The following UBE2R2 variants were observed in gnomAD, a reference collection of about 807,000 sequenced individuals.
UBE2R2 encodes the protein ubiquitin-conjugating enzyme E2 R2.
In UBE2R2, 1 loss-of-function variant was observed where a neutral mutation model predicts 27.8. The observed-to-expected ratio is 0.04, with a 90% CI of 0.01 to 0.17. The LOEUF is 0.17. Ranked by LOEUF, UBE2R2 falls within the 10% of genes least tolerant of loss-of-function variation. The pLI is 1.00. For missense variants in UBE2R2, 100 were observed against 291.0 expected, an observed-to-expected ratio of 0.34 and a Z score of 4.78; for synonymous variants, 106 against 113.3, an observed-to-expected ratio of 0.94 and a Z score of 0.41.
chr9:33,907,557 G>A (rs1338906362), intron 3 of UBE2R2, among the ~76,000 whole-genome samples: 2 of 152,018 alleles, frequency 1.3e-5, no homozygotes, highest in Non-Finnish European at 2.9e-5. Flanking sequence ...GCTGGATTGA[G>A]ATAGATCAGA....
chr9:33,883,445 G>A (rs1375890483), intron 1 of UBE2R2, among the ~76,000 whole-genome samples: 2 of 152,158 alleles, frequency 1.3e-5, no homozygotes, highest in Non-Finnish European at 2.9e-5. Flanking sequence ...GCCGAGTGCG[G>A]TGGCTCATGT....
chr9:33,887,895 T>A (rs1821898103), intron 2 of UBE2R2, among the ~76,000 whole-genome samples: 1 of 152,206 alleles, frequency 6.6e-6, no homozygotes, highest in African/African-American at 2.4e-5. Context: ...CAGGCTGTTC[T>A]TGAATTCCTG....
At chr9:33,844,854 C>T (rs1436571124) in intron 1 of UBE2R2, among the ~76,000 whole-genome samples, 1 of 151,272 alleles carries the variant, frequency 6.6e-6, no homozygotes, top group Non-Finnish European at 1.5e-5. Flanking sequence ...GCAACTTCCA[C>T]CTCCCGGGTT....
chr9:33,836,757 CA>C (rs776570301), intron 1 of UBE2R2, among the ~76,000 whole-genome samples: 8,695 of 147,858 alleles, frequency 0.059, 581 homozygotes, highest in African/African-American at 0.16. Context: ...ACTCTTATCT[CA>C]AAAAAAAAAA....
At chr9:33,913,008 C>T (rs561674278) in intron 4 of UBE2R2, among the ~76,000 whole-genome samples, 8 of 151,856 alleles carry the variant, frequency 5.3e-5, no homozygotes, top group Admixed American at 1.3e-4. Context: ...TCATCCAGGC[C>T]GGAGTGCAGT....
At chr9:33,875,718 A>C (rs1270964949) in intron 1 of UBE2R2, among the ~76,000 whole-genome samples, 1 of 152,234 alleles carries the variant, frequency 6.6e-6, no homozygotes, top group Non-Finnish European at 1.5e-5. Flanking sequence ...GAGTTGACCT[A>C]AGGTCAGAGG....
intron 2 of UBE2R2, among the ~76,000 whole-genome samples, chr9:33,889,480 A>G (rs776407517): frequency 1.1e-4 from 16 of 152,120 alleles, no homozygotes; most frequent in Non-Finnish European, 2.2e-4. Flanking sequence ...CTGGGATTAC[A>G]GGCGTGAGCC....
At chr9:33,865,862 A>T (rs1821350882) in intron 1 of UBE2R2, among the ~76,000 whole-genome samples, 1 of 139,392 alleles carries the variant, frequency 7.2e-6, no homozygotes, top group Admixed American at 7.3e-5. Flanking sequence ...ATGGAGTCTC[A>T]CTCTTGTTGC....
chr9:33,864,079 A>C (rs530897458), intron 1 of UBE2R2, among the ~76,000 whole-genome samples: 1 of 152,240 alleles, frequency 6.6e-6, no homozygotes, highest in Admixed American at 6.6e-5. Context: ...CTTTTGCCTC[A>C]GCCTCCTAAA....
intron 1 of UBE2R2, among the ~76,000 whole-genome samples, chr9:33,836,766 AAAAT>A (rs1820623248): frequency 7.1e-6 from 1 of 140,736 alleles, no homozygotes; most frequent in African/African-American, 2.9e-5. Flanking sequence ...TCAAAAAAAA[AAAAT>A]ATATATATAT....
chr9:33,847,296 C>A (rs1820867595), intron 1 of UBE2R2, among the ~76,000 whole-genome samples: 2 of 152,050 alleles, frequency 1.3e-5, no homozygotes, highest in South Asian at 4.1e-4. Context: ...GGGGTTTCAG[C>A]ATGTTGGCCA....
intron 2 of UBE2R2, among the ~76,000 whole-genome samples, chr9:33,890,243 A>G (rs1320869587): frequency 6.6e-6 from 1 of 152,198 alleles, no homozygotes; most frequent in Non-Finnish European, 1.5e-5. Flanking sequence ...AAATGCATGC[A>G]TATCCCATAA....
At position 33,895,708 on chromosome 9, in the gene UBE2R2, T is replaced by A. The variant is rs959052664; in HGVS notation, c.265-4466T>A. 5.3e-5 allele frequency among the ~76,000 whole-genome samples: 8 copies of A among 152,080 alleles called. No individual in the cohort carries two copies. The South Asian group carries it at 1.0e-3, about 20-fold the overall frequency. Reference sequence around the variant, plus strand: ...TTTAAAATTTCTTTGAGCACCGTTTTGTAGTTTTCAACGTACAAGTCTTTT... The same window carrying A: ...TTTAAAATTTCTTTGAGCACCGTTTAGTAGTTTTCAACGTACAAGTCTTTT... On this transcript the variant is annotated intron_variant, in intron 2 of 4. Transcript: ENST00000263228.
At chr9:33,823,460 C>T (rs1214993554) in intron 1 of UBE2R2, among the ~76,000 whole-genome samples, 1 of 151,918 alleles carries the variant, frequency 6.6e-6, no homozygotes, top group Non-Finnish European at 1.5e-5. Context: ...ACTGCAACCT[C>T]TGCCTCCCGG....
At chr9:33,892,503 A>G (rs930569969) in intron 2 of UBE2R2, among the ~76,000 whole-genome samples, 7 of 152,186 alleles carry the variant, frequency 4.6e-5, no homozygotes, top group Admixed American at 6.6e-5. Context: ...AGAACACAGT[A>G]TGGAGCTTTT....
chr9:33,860,373 C>T (rs1821202044), intron 1 of UBE2R2, among the ~76,000 whole-genome samples: 1 of 152,098 alleles, frequency 6.6e-6, no homozygotes, highest in South Asian at 2.1e-4. Flanking sequence ...GAAGAGACTC[C>T]AGCATCCTGT....
chr9:33,829,713 A>T (rs1820402238), intron 1 of UBE2R2, among the ~76,000 whole-genome samples: 1 of 150,338 alleles, frequency 6.7e-6, no homozygotes, highest in African/African-American at 2.5e-5. Context: ...TTAGGGAAAC[A>T]TTCTTTTCAG....
chr9:33,869,910 G>A (rs868795118), intron 1 of UBE2R2, among the ~76,000 whole-genome samples: 3 of 151,714 alleles, frequency 2.0e-5, no homozygotes, highest in South Asian at 2.1e-4. Context: ...GCAATGGCGC[G>A]ATCTCGGCTC....
chr9:33,909,641 G>C (rs1041765032), intron 3 of UBE2R2, among the ~76,000 whole-genome samples: 29 of 152,012 alleles, frequency 1.9e-4, no homozygotes, highest in African/African-American at 7.0e-4. Flanking sequence ...GGATGGTCTC[G>C]ATCTCCTTAC....
Sources: allele counts gnomAD v4.1 joint callset (sites outside exome capture counted in the v4.1 genomes callset), GRCh38; gene constraint gnomAD v4.1.1; transcripts MANE v1.5; gene names NCBI Gene and HGNC (gene_info 2026-07-23, HGNC 2026-07-21).